LUZP1: variants seen among roughly 807,000 people sequenced by gnomAD.
LUZP1 encodes filamin mechanobinding actin cross-linking protein.
A neutral mutation model predicts 71.3 loss-of-function variants in LUZP1; 25 were observed. The observed-to-expected ratio is 0.35, with a 90% CI of 0.26 to 0.49. The LOEUF (loss-of-function observed/expected upper bound fraction) is 0.49. Among genes scored for constraint, LUZP1 ranks in the 20% least tolerant of loss-of-function variants. The probability of loss-of-function intolerance (pLI) is 0.99; values close to 1 mark genes in which losing one functional copy is unlikely to be tolerated. For missense variants in LUZP1, 1,142 were observed against 1,300.8 expected, an observed-to-expected ratio of 0.88 and a Z score of 1.88; for synonymous variants, 481 against 506.4, an observed-to-expected ratio of 0.95 and a Z score of 0.67.
At position 23,110,665 on chromosome 1, in the gene LUZP1, C is replaced by CACACACACACACACACACA. The variant is rs1557647742; in HGVS notation, c.-225-1539_-225-1538insTGTGTGTGTGTGTGTGTGT. On this transcript the variant is annotated intron_variant, in intron 2 of 4. Transcript: ENST00000302291. ...ACACACACACACACACACACACACA[C>CACACACACACACACACACA]CCATCCCTGCCTCTATCTTCCCAGA... Among the ~76,000 whole-genome samples, 127 of 151,918 alleles carry CACACACACACACACACACA rather than the reference C, an allele frequency of 8.4e-4. 1 individual carries two copies. Among genetic ancestry groups the CACACACACACACACACACA allele is most frequent in the African/African-American group, 2.9e-3 (121 of 41,432 alleles).
At chr1:23,143,676 A>C (rs913690034) in intron 2 of LUZP1, among the ~76,000 whole-genome samples, 3 of 152,246 alleles carry the variant, frequency 2.0e-5, no homozygotes, top group African/African-American at 7.2e-5. Context: ...AAGTATTAAT[A>C]TCCCAATTTT....
chr1:23,137,121 T>TA (rs1036452089), intron 2 of LUZP1, among the ~76,000 whole-genome samples: 10 of 151,966 alleles, frequency 6.6e-5, no homozygotes, highest in Middle Eastern at 6.8e-3. Flanking sequence ...GGCAATTAAA[T>TA]AAAAAAACCC....
intron 2 of LUZP1, among the ~76,000 whole-genome samples, chr1:23,135,801 GT>G (rs917668375): frequency 6.6e-6 from 1 of 152,118 alleles, no homozygotes; most frequent in Non-Finnish European, 1.5e-5. Flanking sequence ...ATATATGTTG[GT>G]TTTACTTGAT....
At chr1:23,163,322 G>A (rs1407501084) in intron 2 of LUZP1, among the ~76,000 whole-genome samples, 1 of 148,630 alleles carries the variant, frequency 6.7e-6, no homozygotes, top group Non-Finnish European at 1.5e-5. Context: ...CAAGGTGGGA[G>A]AATCGCTTGA....
chr1:23,132,781 T>G (rs2124689948), intron 2 of LUZP1, among the ~76,000 whole-genome samples: 1 of 152,346 alleles, frequency 6.6e-6, no homozygotes, highest in Non-Finnish European at 1.5e-5. Flanking sequence ...ATGAATAGTC[T>G]AATAAGTATT....
chr1:23,100,924 C>T lies in LUZP1; in HGVS notation c.-119-6544G>A, dbSNP rs1395534258. ...TCAGAAGTAAATACTGTGCTTTTTC[C>T]AGCAGTTTAGCAAAAGTCAAGGACT... On this transcript the variant is annotated intron_variant, in intron 3 of 4. Transcript: ENST00000302291. Among the ~76,000 whole-genome samples the T allele has an allele frequency of 5.9e-5, 9 of 152,080 alleles. No homozygotes were observed. In the East Asian group the frequency reaches 1.7e-3, roughly 29 times the overall value.
At chr1:23,176,579 G>A (rs560359519) in intron 1 of LUZP1, among the ~76,000 whole-genome samples, 117 of 152,256 alleles carry the variant, frequency 7.7e-4, no homozygotes, top group Non-Finnish European at 1.5e-3. Flanking sequence ...CTGAGGCCCA[G>A]GTTTAGAATT....
intron 3 of LUZP1, among the ~76,000 whole-genome samples, chr1:23,096,130 GAAA>G (rs66618384): frequency 3.0e-5 from 4 of 134,426 alleles, no homozygotes; most frequent in African/African-American, 1.1e-4. Context: ...AAGAAGGAAT[GAAA>G]AAAAAAAAAA....
rs12066671 is a variant in LUZP1, at chr1:23,089,025, C to G, written c.3101G>C (p.Ser1034Thr). ...GGAGTTGTGCAGTTGCCTGTAGACA[C>G]TGAGTGTACAGTCTTCCCCTTCTTC... The change falls in exon 5 of 5, where the codon AGT becomes ACT. Residue 1034 changes from serine (S) to threonine (T), a missense_variant. Transcript: ENST00000302291. 2.5e-6 allele frequency: 4 copies of G among 1,613,962 alleles called. No individual in the cohort carries two copies. The South Asian group carries it at 4.4e-5, about 18-fold the overall frequency.
intron 2 of LUZP1, chr1:23,162,702 G>C (rs1644478225): frequency 6.6e-6 from 1 of 152,186 alleles, no homozygotes; most frequent in Non-Finnish European, 1.5e-5. Flanking sequence ...AACAGGAATA[G>C]AGTGCTCACT....
In LUZP1 at chr1:23,111,335, G is replaced by A. The variant is rs187979221; in HGVS notation, c.-225-2208C>T. On this transcript the variant is annotated intron_variant, in intron 2 of 4. Transcript: ENST00000302291. ...GGAGGCCAAGGCAGGAGGATTGCTTGAACCCAGGAGTTCAAGAACAGCCTG... is the reference window on the plus strand; with the variant it reads ...GGAGGCCAAGGCAGGAGGATTGCTTAAACCCAGGAGTTCAAGAACAGCCTG... Among the ~76,000 whole-genome samples, 301 of 151,410 alleles carry A rather than the reference G, an allele frequency of 2.0e-3. 2 individuals carry two copies. Among genetic ancestry groups the A allele is most frequent in the African/African-American group, 7.0e-3 (290 of 41,272 alleles).
At chr1:23,085,141 G>A (rs1643744216) in exon 5 of LUZP1, 3 of 152,504 alleles carry the variant, frequency 2.0e-5, no homozygotes, top group Admixed American at 6.5e-5. Context: ...TTGGTCCCAT[G>A]CTTGGAGCTG....
At chr1:23,096,951 C>T (rs920909191) in intron 3 of LUZP1, among the ~76,000 whole-genome samples, 1 of 152,038 alleles carries the variant, frequency 6.6e-6, no homozygotes, top group African/African-American at 2.4e-5. Flanking sequence ...CCAGCCTGGT[C>T]GACAGAGCAA....
chr1:23,164,635 A>T (rs984131572), intron 2 of LUZP1, among the ~76,000 whole-genome samples: 1 of 152,246 alleles, frequency 6.6e-6, no homozygotes, highest in African/African-American at 2.4e-5. Flanking sequence ...GACTTGAGCT[A>T]AAGCATACTG....
chr1:23,159,233 C>T (rs1024985131), intron 2 of LUZP1, among the ~76,000 whole-genome samples: 12 of 151,696 alleles, frequency 7.9e-5, no homozygotes, highest in African/African-American at 2.9e-4. Flanking sequence ...CCCAGCTACT[C>T]GGGAGGCTGA....
chr1:23,147,865 G>A (rs1644355422), intron 2 of LUZP1, among the ~76,000 whole-genome samples: 1 of 152,086 alleles, frequency 6.6e-6, no homozygotes, highest in Non-Finnish European at 1.5e-5. Flanking sequence ...ATATTTTCCA[G>A]TAAATTTATA....
chr1:23,170,896 G>C (rs1644548657), intron 1 of LUZP1, among the ~76,000 whole-genome samples: 1 of 151,778 alleles, frequency 6.6e-6, no homozygotes, highest in South Asian at 2.1e-4. Context: ...TTTGAGACCA[G>C]CCTGGGCAAC....
intron 2 of LUZP1, among the ~76,000 whole-genome samples, chr1:23,149,839 G>T (rs1174388179): frequency 6.6e-6 from 1 of 151,540 alleles, no homozygotes; most frequent in Non-Finnish European, 1.5e-5. Flanking sequence ...GCACGCGCCT[G>T]TAATCCCAGC....
chr1:23,177,848 G>A (rs866465651), upstream of LUZP1: 2 of 152,308 alleles, frequency 1.3e-5, no homozygotes, highest in African/African-American at 2.4e-5. Context: ...CCCGCCAGCC[G>A]GCTTCCTGCA....
Sources: gnomAD v4.1 joint callset for allele counts (sites outside exome capture counted in the v4.1 genomes callset) on GRCh38, gnomAD v4.1.1 for gene constraint, MANE v1.5 for transcripts, NCBI Gene and HGNC (gene_info 2026-07-23, HGNC 2026-07-21) for gene names.